Variants in HTT observed in about 807,000 individuals in gnomAD.
HTT encodes huntington disease protein.
HTT carries 104 observed loss-of-function variants against 362.3 expected under a neutral mutation model. The observed-to-expected ratio is 0.29, with a 90% confidence interval of 0.24 to 0.34. The LOEUF is 0.34. Among genes scored for constraint, HTT ranks in the 10% least tolerant of loss-of-function variants. The pLI is 1.00. For synonymous variants in HTT, 1,577 were observed against 1,548.7 expected (o/e 1.02, Z -0.43); for missense variants, 3,301 against 3,928.6 (o/e 0.84, Z 4.27).
chr4:3,158,141 A>T (rs1429310526), intron 28 of HTT, among the ~76,000 whole-genome samples: 1 of 151,982 alleles, frequency 6.6e-6, no homozygotes, highest in East Asian at 1.9e-4. Flanking sequence ...GTGCCACCAC[A>T]CCCAGCTAAT....
At chr4:3,180,744 T>A in intron 36 of HTT, 93 bp downstream of exon 36, 1 of 1,187,764 alleles carries the variant, frequency 8.4e-7, no homozygotes, top group Non-Finnish European at 1.1e-6. Context: ...CTGTTAACTG[T>A]GTTACTTTGA....
intron 1 of HTT, among the ~76,000 whole-genome samples, chr4:3,075,869 A>C (rs1415706657): frequency 1.5e-5 from 2 of 129,250 alleles, no homozygotes; most frequent in African/African-American, 7.8e-5. Context: ...TTGCCAAGTA[A>C]AGTGGTGAAC....
chr4:3,102,324 C>G (rs375007127), intron 3 of HTT, among the ~76,000 whole-genome samples: 5 of 152,206 alleles, frequency 3.3e-5, no homozygotes, highest in African/African-American at 9.6e-5. Flanking sequence ...ATTCCCTGCT[C>G]TTAGGAGGGG....
intron 41 of HTT, 88 bp downstream of exon 41, chr4:3,200,027 A>G: frequency 9.1e-7 from 1 of 1,096,718 alleles, no homozygotes; most frequent in Non-Finnish European, 1.3e-6. Context: ...CCACCGTTAA[A>G]GCATTTTCAT....
intron 27 of HTT, 118 bp from the exon 28 acceptor site, chr4:3,156,954 A>G (rs1717179018): frequency 2.6e-6 from 2 of 782,222 alleles, no homozygotes; most frequent in East Asian, 5.4e-5. Context: ...GTCAGAGGAA[A>G]TACTTGAATA....
At chr4:3,169,678 ATTC>A (rs1214966333) in intron 29 of HTT, among the ~76,000 whole-genome samples, 5 of 152,050 alleles carry the variant, frequency 3.3e-5, no homozygotes, top group Admixed American at 6.5e-5. Context: ...GGCTCAAGCA[ATTC>A]TTCTGCCTCA....
chr4:3,238,510 C>T lies in HTT; in HGVS notation c.8955C>T (p.Asp2985=), dbSNP rs374515950. The T allele has an allele frequency of 2.0e-4, 325 of 1,613,300 alleles. No homozygotes were observed. Among genetic ancestry groups the T allele is most frequent in the Admixed American group, 5.2e-4 (31 of 59,946 alleles). ...CCAGGATCCTGCCCCAGTTTCTAGA[C>T]GACTTCTTCCCACCCCAGGACATCA... ...VVARILPQFL[D]DFFPPQDIMN... is the part of the protein sequence containing the mutation. Residue 2985 remains aspartate, a synonymous_variant, in exon 65 of 67, where the codon GAC becomes GAT. Transcript: ENST00000355072.
intron 26 of HTT, among the ~76,000 whole-genome samples, chr4:3,153,557 G>GT (rs1180722215): frequency 6.6e-6 from 1 of 152,146 alleles, no homozygotes; most frequent in Non-Finnish European, 1.5e-5. Context: ...AGCTTTGCTG[G>GT]TAACCAGCTG....
chr4:3,124,024 A>G (rs938946621), intron 10 of HTT, among the ~76,000 whole-genome samples: 1 of 152,238 alleles, frequency 6.6e-6, no homozygotes, highest in African/African-American at 2.4e-5. Flanking sequence ...CTTAACAGGA[A>G]TAGCATTCTA....
rs986633705 is a variant in HTT, at chr4:3,115,523, A to T, written c.889+78A>T. The T allele has an allele frequency of 2.5e-6, 3 of 1,186,396 alleles. No individual in the cohort carries two copies. In the Admixed American group the frequency reaches 5.9e-5, roughly 23 times the overall value. The allele number at this position is 1,186,396 out of a possible 1,614,324, so 73.5% of individuals were successfully genotyped here. A position where few individuals can be genotyped will look rare whatever the true frequency, so the allele number is the denominator to read the frequency against. ...CCTTTGAAATAAATAAAACCAGATG[A>T]TCCCTCAGCTTCTAGACCAGGCTAT... On this transcript the variant is annotated intron_variant, in intron 7 of 66. Coordinates refer to ENST00000355072, the MANE Select transcript of HTT (RefSeq NM_001388492.1).
intron 23 of HTT, among the ~76,000 whole-genome samples, chr4:3,144,567 C>G (rs761810812): frequency 6.6e-6 from 1 of 152,178 alleles, no homozygotes; most frequent in Admixed American, 6.5e-5. Context: ...CCACCCACCT[C>G]GGCCTCCCAA....
chr4:3,123,130 TA>T (rs1174728857), intron 10 of HTT, 194 bp downstream of exon 10: 5 of 411,384 alleles, frequency 1.2e-5, no homozygotes, highest in African/African-American at 1.0e-4. Flanking sequence ...GGGTGGCTTT[TA>T]AAAATTACTT....
Position 3,186,702 on chromosome 4 carries a change from G to C in HTT, c.4972G>C (p.Val1658Leu). Residue 1658 changes from valine to leucine, a missense_variant, in exon 38 of 67, where the codon GTC becomes CTC. Physicochemically the swap from Val to Leu is conservative, Grantham distance 32. This residue lies in a region of HTT where 2,316 missense variants were observed against 2,658.5 expected (regional missense o/e 0.87). Transcript: ENST00000355072. ...AGACATGCTTTTACGGAGTATGTTC[G>C]TCACTCCAAACACAATGGTGAGTCT... is the stretch of plus-strand genomic sequence containing the variant. ...PVDMLLRSMF[V>L]TPNTMASVST... 1 of 1,613,676 alleles carries C rather than the reference G, an allele frequency of 6.2e-7. No homozygotes were observed. Among genetic ancestry groups the C allele is most frequent in the South Asian group, 1.1e-5 (1 of 91,064 alleles).
chr4:3,205,882 C>T (rs1245341710), intron 42 of HTT, among the ~76,000 whole-genome samples: 1 of 152,164 alleles, frequency 6.6e-6, no homozygotes, highest in Admixed American at 6.5e-5. Flanking sequence ...GATTATGAAT[C>T]AAGATGAAAA....
rs1241562886 is a variant in HTT at position 3,169,271 on chromosome 4, G to A, written c.3865-3049G>A. On this transcript the variant is annotated intron_variant, in intron 29 of 66. Coordinates refer to ENST00000355072, the MANE Select transcript of HTT (RefSeq NM_001388492.1). ...CTGACCTCGTGATCTGCCCGCCTGG[G>A]CCTCCCAAAGTGCTGGGATTACAGG... Among the ~76,000 whole-genome samples the A allele has an allele frequency of 2.0e-5, 3 of 152,232 alleles. No homozygotes were observed. In the East Asian group the frequency reaches 5.8e-4, roughly 30 times the overall value.
chr4:3,146,316 G>A (rs931726127), intron 24 of HTT, among the ~76,000 whole-genome samples: 6 of 152,188 alleles, frequency 3.9e-5, no homozygotes, highest in Admixed American at 6.5e-5. Flanking sequence ...AAGATATGGC[G>A]TGTTAAAGGA....
rs778116603 is a variant in HTT, at chr4:3,228,232, G to A, written c.7849-383G>A. Among the ~76,000 whole-genome samples the A allele has an allele frequency of 2.0e-5, 3 of 152,208 alleles. No homozygotes were observed. Among genetic ancestry groups the A allele is most frequent in the African/African-American group, 4.8e-5 (2 of 41,444 alleles). On this transcript the variant is annotated intron_variant, in intron 57 of 66. Transcript: ENST00000355072. This position sits in a 1 kb window ranked among gnomAD's most constrained non-coding sequence, Gnocchi z 4.3. ...AGGGAGCTCTGGCCTTGGGTTTACC[G>A]CAATGACTGCCAGTGCGGGAGACTG... is the stretch of plus-strand genomic sequence containing the variant.
At chr4:3,230,106 C>A in intron 60 of HTT, 64 bp downstream of exon 60, 1 of 1,441,124 alleles carries the variant, frequency 6.9e-7, no homozygotes. Flanking sequence ...GCCTTGGGAC[C>A]TGGTGTTGGC....
At chr4:3,173,187 A>T in intron 31 of HTT, 56 bp downstream of exon 31, 1 of 1,411,106 alleles carries the variant, frequency 7.1e-7, no homozygotes, top group Non-Finnish European at 1.0e-6. Context: ...AGCAAGCAGG[A>T]AATACTTTGT....
Sources: gnomAD v4.1 joint callset for allele counts (sites outside exome capture counted in the v4.1 genomes callset) on GRCh38, gnomAD v4.1.1 for gene constraint, gnomAD v4.1.1 regional missense constraint, Gnocchi (gnomAD v3.1) non-coding constraint, MANE v1.5 for transcripts, NCBI Gene and HGNC (gene_info 2026-07-23, HGNC 2026-07-21) for gene names.